Variants in CPEB3 observed in about 807,000 individuals in gnomAD.
The protein encoded by CPEB3 is cytoplasmic polyadenylation element-binding protein 3.
Under a neutral mutation model 67.2 loss-of-function variants are expected in CPEB3, and 20 were observed. That is an observed-to-expected ratio of 0.30 (90% CI 0.21 to 0.43). The LOEUF (loss-of-function observed/expected upper bound fraction) is 0.43. CPEB3 is among the 20% of genes least tolerant of loss of function. The pLI is 1.00. For synonymous variants in CPEB3, 376 were observed against 393.1 expected, an observed-to-expected ratio of 0.96 and a Z score of 0.51; for missense variants, 746 against 968.6, an observed-to-expected ratio of 0.77 and a Z score of 3.05.
chr10:92,177,537 A>G (rs1288632126), intron 4 of CPEB3, among the ~76,000 whole-genome samples: 2 of 152,228 alleles, frequency 1.3e-5, no homozygotes, highest in Admixed American at 6.5e-5. Context: ...AACAGGAAAA[A>G]TCAGTAGACT....
intron 6 of CPEB3, among the ~76,000 whole-genome samples, chr10:92,119,416 G>A (rs1338564810): frequency 2.0e-5 from 3 of 152,070 alleles, no homozygotes; most frequent in African/African-American, 7.2e-5. Context: ...GCCTACTCTG[G>A]GACTAGAAGC....
At chr10:92,082,291 TG>T (rs1843185670) in intron 8 of CPEB3, among the ~76,000 whole-genome samples, 2 of 152,156 alleles carry the variant, frequency 1.3e-5, no homozygotes, top group African/African-American at 4.8e-5. Flanking sequence ...TTTGTTTGTT[TG>T]TTTGTTTACT....
chr10:92,183,105 A>T (rs948243588), intron 3 of CPEB3, among the ~76,000 whole-genome samples: 2 of 152,132 alleles, frequency 1.3e-5, no homozygotes, highest in Non-Finnish European at 1.5e-5. Flanking sequence ...TTTTGCTAGC[A>T]TTTGTAATAT....
intron 1 of CPEB3, among the ~76,000 whole-genome samples, chr10:92,267,522 T>C (rs888144646): frequency 4.6e-5 from 7 of 152,122 alleles, no homozygotes; most frequent in African/African-American, 1.4e-4. Context: ...GTGATGGGAA[T>C]CCCCTGGAGA....
intron 1 of CPEB3, among the ~76,000 whole-genome samples, chr10:92,246,554 C>T (rs1852078231): frequency 6.6e-6 from 1 of 150,554 alleles, no homozygotes; most frequent in Non-Finnish European, 1.5e-5. Context: ...GTTGCCCAGG[C>T]TGGAGTGCAG....
intron 1 of CPEB3, among the ~76,000 whole-genome samples, chr10:92,267,556 C>G (rs545741006): frequency 1.3e-5 from 2 of 152,268 alleles, no homozygotes; most frequent in African/African-American, 4.8e-5. Flanking sequence ...CTGTGACATG[C>G]TTTAAAAAGG....
At chr10:92,059,989 T>C (rs979296238) in intron 9 of CPEB3, among the ~76,000 whole-genome samples, 1 of 149,710 alleles carries the variant, frequency 6.7e-6, no homozygotes, top group Non-Finnish European at 1.5e-5. Flanking sequence ...ATCAACAGAA[T>C]GGAGGATAAA....
At chr10:92,279,227 G>C (rs1212842186) in intron 1 of CPEB3, among the ~76,000 whole-genome samples, 2 of 151,942 alleles carry the variant, frequency 1.3e-5, no homozygotes, top group African/African-American at 2.4e-5. Context: ...ATTCCTGAGT[G>C]GTCTTTTTCT....
At chr10:92,194,764 A>AG (rs1173540246) in intron 2 of CPEB3, among the ~76,000 whole-genome samples, 1 of 152,066 alleles carries the variant, frequency 6.6e-6, no homozygotes, top group African/African-American at 2.4e-5. Flanking sequence ...CTAAAGAGCC[A>AG]GGCACGGTGG....
chr10:92,172,433 G>C (rs1213157359), intron 4 of CPEB3, among the ~76,000 whole-genome samples: 1 of 152,166 alleles, frequency 6.6e-6, no homozygotes, highest in Non-Finnish European at 1.5e-5. Flanking sequence ...GAACATGTGT[G>C]GAAGTATACT....
chr10:92,264,899 C>T (rs1348712895), intron 1 of CPEB3, among the ~76,000 whole-genome samples: 2 of 152,040 alleles, frequency 1.3e-5, no homozygotes, highest in African/African-American at 2.4e-5. Context: ...GGGCATGTGG[C>T]TCAATCCTGT....
chr10:92,053,412 G>C (rs1326014509), intron 9 of CPEB3, among the ~76,000 whole-genome samples: 2 of 151,784 alleles, frequency 1.3e-5, no homozygotes, highest in Non-Finnish European at 2.9e-5. Flanking sequence ...TCGCCAGGCT[G>C]GAGTGCAGTG....
At chr10:92,075,611 A>G (rs1842905133) in intron 9 of CPEB3, among the ~76,000 whole-genome samples, 1 of 152,234 alleles carries the variant, frequency 6.6e-6, no homozygotes, top group Admixed American at 6.5e-5. Context: ...CTTAAAGACC[A>G]TGAGATTATG....
At chr10:92,144,916 T>C (rs1489164086) in intron 5 of CPEB3, 29 bp downstream of exon 5, 1 of 1,608,934 alleles carries the variant, frequency 6.2e-7, no homozygotes. Context: ...AACTCAGCCT[T>C]TGCAAAATCA....
intron 1 of CPEB3, among the ~76,000 whole-genome samples, chr10:92,268,659 G>C (rs935101282): frequency 2.0e-5 from 3 of 152,076 alleles, no homozygotes; most frequent in African/African-American, 4.8e-5. Context: ...TTCTTCTTCT[G>C]TTGATAAAAA....
chr10:92,249,849 T>C (rs1039992029), intron 1 of CPEB3, among the ~76,000 whole-genome samples: 3 of 151,188 alleles, frequency 2.0e-5, no homozygotes. Flanking sequence ...GGTGAAACCC[T>C]GTCTCTACTA....
chr10:92,287,616 T>C (rs926773194), intron 1 of CPEB3, among the ~76,000 whole-genome samples: 1 of 152,344 alleles, frequency 6.6e-6, no homozygotes, highest in South Asian at 2.1e-4. Flanking sequence ...TCTTTTCAGA[T>C]ACCCTTATGA....
chr10:92,188,687 T>C (rs1848817105), intron 3 of CPEB3, among the ~76,000 whole-genome samples: 1 of 152,064 alleles, frequency 6.6e-6, no homozygotes, highest in African/African-American at 2.4e-5. Context: ...GCCACTGCAC[T>C]CCAGCCTGGG....
intron 4 of CPEB3, among the ~76,000 whole-genome samples, chr10:92,155,085 T>C (rs1005409832): frequency 6.6e-6 from 1 of 152,108 alleles, no homozygotes; most frequent in African/African-American, 2.4e-5. Flanking sequence ...GGTGCATGCT[T>C]GTAGTCCCAG....
Sources: allele counts gnomAD v4.1 joint callset (sites outside exome capture counted in the v4.1 genomes callset), GRCh38; gene constraint gnomAD v4.1.1; transcripts MANE v1.5; gene names NCBI Gene and HGNC (gene_info 2026-07-23, HGNC 2026-07-21).